Variants in SGCG observed in about 807,000 individuals in gnomAD.
SGCG encodes the protein gamma-sarcoglycan.
Under a neutral mutation model 29.3 loss-of-function variants are expected in SGCG, and 26 were observed. The ratio of observed to expected loss-of-function variants is 0.89; its 90% confidence interval spans 0.65 to 1.23. The LOEUF (loss-of-function observed/expected upper bound fraction) is 1.23, where lower values mean the gene tolerates loss of function less well. Ranked by LOEUF, SGCG falls within the 50% of genes most tolerant of loss-of-function variation. The pLI is 0.00. For missense variants in SGCG, 353 were observed against 356.0 expected (o/e 0.99, Z 0.07); for synonymous variants, 145 against 129.7 (o/e 1.12, Z -0.80).
intron 4 of SGCG, among the ~76,000 whole-genome samples, chr13:23,274,316 G>A (rs1020850195): frequency 1.3e-5 from 2 of 151,448 alleles, no homozygotes; most frequent in Non-Finnish European, 2.9e-5. Flanking sequence ...TGTAGTCCTG[G>A]CACTTGTTAA....
intron 6 of SGCG, among the ~76,000 whole-genome samples, chr13:23,297,197 G>T (rs1356741713): frequency 3.3e-5 from 5 of 151,052 alleles, no homozygotes; most frequent in Admixed American, 2.6e-4. Flanking sequence ...AAAGCATTTT[G>T]TAAACTGAAA....
At chr13:23,217,936 C>A (rs539823497) in intron 2 of SGCG, among the ~76,000 whole-genome samples, 1 of 152,130 alleles carries the variant, frequency 6.6e-6, no homozygotes, top group East Asian at 1.9e-4. Flanking sequence ...ATATTTACAA[C>A]AAACCAGCAG....
At chr13:23,186,797 A>G (rs1362760861) in intron 1 of SGCG, among the ~76,000 whole-genome samples, 4 of 152,160 alleles carry the variant, frequency 2.6e-5, no homozygotes, top group South Asian at 2.1e-4. Context: ...TGCCTTTGCC[A>G]TAAGGTGGGT....
intron 2 of SGCG, among the ~76,000 whole-genome samples, chr13:23,206,521 C>T (rs867800238): frequency 6.6e-5 from 10 of 152,260 alleles, no homozygotes; most frequent in South Asian, 4.1e-4. Context: ...TAATATTCTA[C>T]GGTATTGATA....
In SGCG at chr13:23,213,814, G is replaced by T. The variant is rs577986768; in HGVS notation, c.195+9925G>T. Among the ~76,000 whole-genome samples, 6 of 152,214 alleles carry T rather than the reference G, an allele frequency of 3.9e-5. No individual in the cohort carries two copies. The South Asian group carries it at 1.0e-3, about 26-fold the overall frequency. ...CTTGCCTTCATCGAGAGGCTGGCAG[G>T]TGCCCCTAAGGCAGCTGCATGCAGC... On this transcript the variant is annotated intron_variant, in intron 2 of 7. Transcript: ENST00000218867.
chr13:23,265,519 A>G (rs1052307647), intron 4 of SGCG, among the ~76,000 whole-genome samples: 13 of 152,198 alleles, frequency 8.5e-5, no homozygotes, highest in Admixed American at 6.5e-4. Context: ...TGGAGGTTGC[A>G]GTGAGCCAAG....
At position 23,198,893 on chromosome 13, in the gene SGCG, G is replaced by A. The variant is rs150623840; in HGVS notation, c.1-4802G>A. Reference sequence around the variant, plus strand: ...GGAGGCCGAGGCAGGCGGATCACGAGGTCAGGAGATCGAGACCATCCTGGC... The same window carrying A: ...GGAGGCCGAGGCAGGCGGATCACGAAGTCAGGAGATCGAGACCATCCTGGC... On this transcript the variant is annotated intron_variant, in intron 1 of 7. Coordinates refer to ENST00000218867, the MANE Select transcript of SGCG (RefSeq NM_000231.3). 5.9e-3 allele frequency among the ~76,000 whole-genome samples: 887 copies of A among 150,774 alleles called. 6 individuals carry two copies. Among genetic ancestry groups the A allele is most frequent in the African/African-American group, 0.021 (851 of 41,024 alleles).
chr13:23,216,808 G>A (rs542191467), intron 2 of SGCG, among the ~76,000 whole-genome samples: 97 of 152,202 alleles, frequency 6.4e-4, no homozygotes, highest in African/African-American at 2.3e-3. Context: ...ATAAAATGAT[G>A]TGGACTAATT....
chr13:23,240,985 T>C (rs1161326786), intron 3 of SGCG, among the ~76,000 whole-genome samples: 1 of 151,694 alleles, frequency 6.6e-6, no homozygotes, highest in Non-Finnish European at 1.5e-5. Flanking sequence ...CTGTCTCTAC[T>C]AAAAATACAA....
chr13:23,296,431 A>G (rs1881911789), intron 6 of SGCG, among the ~76,000 whole-genome samples: 1 of 152,254 alleles, frequency 6.6e-6, no homozygotes, highest in Admixed American at 6.5e-5. Flanking sequence ...TAACATGCAC[A>G]TAACATAAAA....
chr13:23,173,008 A>G, the SGCG span, among the ~76,000 whole-genome samples: 1 of 152,266 alleles, frequency 6.6e-6, no homozygotes, highest in Admixed American at 6.5e-5. Flanking sequence ...GAAAAATCAT[A>G]TCTCTATTTA....
chr13:23,323,380 G>A (rs563148879), intron 7 of SGCG, among the ~76,000 whole-genome samples: 1 of 152,352 alleles, frequency 6.6e-6, no homozygotes, highest in African/African-American at 2.4e-5. Flanking sequence ...CACCTGGCAG[G>A]TGCACACCGG....
At chr13:23,317,386 C>G (rs1326061194) in intron 6 of SGCG, among the ~76,000 whole-genome samples, 1 of 152,150 alleles carries the variant, frequency 6.6e-6, no homozygotes, top group Non-Finnish European at 1.5e-5. Flanking sequence ...GTTTGGCTCA[C>G]TCCACCAGGA....
At chr13:23,162,325 T>A in the SGCG span, among the ~76,000 whole-genome samples, 1 of 152,226 alleles carries the variant, frequency 6.6e-6, no homozygotes, top group African/African-American at 2.4e-5. Context: ...TGCTTAAGAC[T>A]GTATCCTGGG....
intron 1 of SGCG, among the ~76,000 whole-genome samples, chr13:23,199,494 C>T (rs1345433797): frequency 6.6e-6 from 1 of 152,150 alleles, no homozygotes; most frequent in Non-Finnish European, 1.5e-5. Flanking sequence ...CTCTGAAAGT[C>T]TCTCCTGGCA....
intron 4 of SGCG, among the ~76,000 whole-genome samples, chr13:23,264,062 G>T (rs530282673): frequency 1.3e-5 from 2 of 151,896 alleles, no homozygotes; most frequent in Non-Finnish European, 1.5e-5. Flanking sequence ...ATTCAACATC[G>T]TACTGAAAGT....
intron 6 of SGCG, among the ~76,000 whole-genome samples, chr13:23,301,571 T>G (rs1028598823): frequency 2.0e-5 from 3 of 151,956 alleles, no homozygotes; most frequent in Admixed American, 1.3e-4. Flanking sequence ...AGAATCAAAA[T>G]TAGGAAAGAA....
chr13:23,299,442 A>ATT (rs1566037491), intron 6 of SGCG, among the ~76,000 whole-genome samples: 2 of 5,294 alleles, frequency 3.8e-4, no homozygotes, highest in Non-Finnish European at 7.1e-4. Context: ...ATATATATAT[A>ATT]TATATATATA....
At chr13:23,168,693 C>T in the SGCG span, among the ~76,000 whole-genome samples, 9 of 152,190 alleles carry the variant, frequency 5.9e-5, no homozygotes, top group African/African-American at 2.2e-4. Flanking sequence ...GTCATCTATT[C>T]TAGCAGACAA....
Sources: gnomAD v4.1 joint callset for allele counts (sites outside exome capture counted in the v4.1 genomes callset) on GRCh38, gnomAD v4.1.1 for gene constraint, MANE v1.5 for transcripts, NCBI Gene and HGNC (gene_info 2026-07-23, HGNC 2026-07-21) for gene names.